The following FAM20C variants were observed in gnomAD, a reference collection of about 807,000 sequenced individuals.
The protein encoded by FAM20C is extracellular serine/threonine protein kinase FAM20C.
In FAM20C, 40 loss-of-function variants were observed where a neutral mutation model predicts 51.5. The observed-to-expected ratio is 0.78, with a 90% CI of 0.60 to 1.01. FAM20C has a LOEUF of 1.01. FAM20C is among the 50% of genes least tolerant of loss of function. The pLI, the probability that FAM20C is intolerant of heterozygous loss-of-function variation, is 0.00. For synonymous variants in FAM20C, 406 were observed against 380.6 expected (o/e 1.07, Z -0.78); for missense variants, 861 against 844.7 (o/e 1.02, Z -0.24).
At chr7:210,570 G>A (rs984560234) in intron 3 of FAM20C, among the ~76,000 whole-genome samples, 5 of 152,082 alleles carry the variant, frequency 3.3e-5, no homozygotes, top group Non-Finnish European at 7.4e-5. Context: ...CCGCGGGCAC[G>A]GCTGGGGGAG....
At chr7:229,022 AC>A (rs1787558050) in intron 3 of FAM20C, 1 of 279,554 alleles carries the variant, frequency 3.6e-6, no homozygotes, top group Non-Finnish European at 6.9e-6. Flanking sequence ...TGCCCCACCC[AC>A]GCACCCCACC....
intron 2 of FAM20C, among the ~76,000 whole-genome samples, chr7:201,061 G>A (rs1035360508): frequency 2.6e-5 from 4 of 152,200 alleles, no homozygotes; most frequent in African/African-American, 9.6e-5. Flanking sequence ...AGATGTGTGC[G>A]GTGGGAAGAA....
Position 208,908 on chromosome 7 carries a change from G to A in FAM20C, c.795G>A (p.Ser265=), listed in dbSNP as rs766106805. The A allele has an allele frequency of 3.9e-5, 62 of 1,575,514 alleles. 1 individual carries two copies. Among genetic ancestry groups the A allele is most frequent in the South Asian group, 3.5e-4 (30 of 85,554 alleles). ...CCCTCCTTCCTGCAGCCATGAAGTC[G>A]GGGGGCACGCAGCTGAAGCTCATCA... ...SQRITSVAMK[S]GGTQLKLIMT... The change falls in exon 3 of 10, where the codon TCG becomes TCA. Residue 265 remains serine, a synonymous_variant. Transcript: ENST00000313766.
Position 192,894 on chromosome 7 carries a change from C to A in FAM20C, c.-306C>A. The A allele has an allele frequency of 6.7e-6, 1 of 149,302 alleles. No homozygotes were observed. The highest frequency in any genetic ancestry group is 2.0e-4 in the South Asian group (1 of 4,980). 9.2% of individuals were successfully genotyped at this position (149,302 alleles called of 1,614,324 possible). ...CGGCGGCTGCGAGCGCCGAGCCTCCCCCTGCTGCGGCCCCAGCCGCCCCCC... is the reference window on the plus strand; with the variant it reads ...CGGCGGCTGCGAGCGCCGAGCCTCCACCTGCTGCGGCCCCAGCCGCCCCCC... On this transcript the variant is annotated 5_prime_UTR_variant, in exon 1 of 10. Coordinates refer to ENST00000313766, the MANE Select transcript of FAM20C (RefSeq NM_020223.4).
rs1393577746 is a variant in FAM20C, at chr7:259,744, A to T, written c.1519A>T (p.Thr507Ser). 6.5e-7 allele frequency: 1 copy of T among 1,535,324 alleles called. No individual in the cohort carries two copies. Among genetic ancestry groups the T allele is most frequent in the South Asian group, 1.2e-5 (1 of 83,890 alleles). The change falls in exon 10 of 10, where the codon ACC becomes TCC. Residue 507 changes from threonine to serine, a missense_variant. Around this residue, in one of 3 missense-constraint regions of FAM20C, gnomAD observed 269 missense variants for 283.8 expected, o/e 0.95. Transcript: ENST00000313766. The part of the protein sequence containing the change: ...LQQCCRIRKS[T>S]YLRLQLLAKE... ...TCTCCTCCCCAGGATCCGGAAGTCC[A>T]CCTACCTGCGTCTGCAGCTCCTGGC...
intron 3 of FAM20C, among the ~76,000 whole-genome samples, chr7:218,439 C>T (rs1197597962): frequency 2.0e-5 from 3 of 152,218 alleles, no homozygotes; most frequent in Non-Finnish European, 2.9e-5. Context: ...GCCCCTCTGA[C>T]GGGACTGCAC....
At chr7:219,525 C>T (rs1351045792) in intron 3 of FAM20C, among the ~76,000 whole-genome samples, 1 of 152,118 alleles carries the variant, frequency 6.6e-6, no homozygotes, top group Non-Finnish European at 1.5e-5. Flanking sequence ...GGCTTCGAAT[C>T]CGGTACCTGA....
intron 3 of FAM20C, among the ~76,000 whole-genome samples, chr7:237,097 G>A (rs1787872349): frequency 6.6e-6 from 1 of 152,224 alleles, no homozygotes; most frequent in Non-Finnish European, 1.5e-5. Flanking sequence ...GAGGATCCCA[G>A]AACAGGCTGC....
rs190795797 is a variant in FAM20C at position 230,323 on chromosome 7, T to C, written c.864-16092T>C. Reference sequence around the variant, plus strand: ...CCTCCCTAGAGTCTCCACGGGGAGCTCAGCCCTGCCCACAGCTCAGCCTTG... The same window carrying C: ...CCTCCCTAGAGTCTCCACGGGGAGCCCAGCCCTGCCCACAGCTCAGCCTTG... On this transcript the variant is annotated intron_variant, in intron 3 of 9. Coordinates refer to ENST00000313766, the MANE Select transcript of FAM20C (RefSeq NM_020223.4). 8.8e-3 allele frequency among the ~76,000 whole-genome samples: 1,119 copies of C among 126,754 alleles called. 12 individuals carry two copies. Among genetic ancestry groups the C allele is most frequent in the African/African-American group, 0.032 (1,072 of 33,570 alleles). The allele number at this position is 126,754 out of a possible 152,430, so 83.2% of individuals were successfully genotyped here. A position where few individuals can be genotyped will look rare whatever the true frequency, so the allele number is the denominator to read the frequency against.
intron 3 of FAM20C, among the ~76,000 whole-genome samples, chr7:241,692 A>AT (rs1787951626): frequency 1.3e-5 from 2 of 152,036 alleles, no homozygotes; most frequent in Non-Finnish European, 2.9e-5. Flanking sequence ...CTGTGCACAT[A>AT]TGTGTGTGCA....
chr7:211,770 C>T (rs1786726525), intron 3 of FAM20C, among the ~76,000 whole-genome samples: 2 of 152,176 alleles, frequency 1.3e-5, no homozygotes, highest in South Asian at 2.1e-4. Flanking sequence ...AACTGAGGCC[C>T]GGAAAGGGAA....
chr7:228,590 G>C (rs1341802621), intron 3 of FAM20C: 1 of 456,238 alleles, frequency 2.2e-6, no homozygotes, highest in South Asian at 1.5e-5. Context: ...TCCTCTGAGG[G>C]CAGCGTTTCC....
At chr7:226,761 A>C (rs1302875347) in intron 3 of FAM20C, among the ~76,000 whole-genome samples, 1 of 152,252 alleles carries the variant, frequency 6.6e-6, no homozygotes, top group Admixed American at 6.5e-5. Flanking sequence ...GGCTGGCCAC[A>C]GAAGGTAGCT....
chr7:194,798 C>T (rs79868451), intron 1 of FAM20C, among the ~76,000 whole-genome samples: 16,839 of 145,068 alleles, frequency 0.12, 1,163 homozygotes, highest in East Asian at 0.32. Flanking sequence ...CCGTGTCCAC[C>T]GCAGGACAGA....
Position 212,206 on chromosome 7 carries a change from T to C in FAM20C, c.863+3230T>C, listed in dbSNP as rs571230867. 1.7e-4 allele frequency among the ~76,000 whole-genome samples: 26 copies of C among 152,360 alleles called. No individual in the cohort carries two copies. In the South Asian group the frequency reaches 4.8e-3, roughly 28 times the overall value. On this transcript the variant is annotated intron_variant, in intron 3 of 9. Coordinates refer to ENST00000313766, the MANE Select transcript of FAM20C (RefSeq NM_020223.4). The stretch of plus-strand genomic sequence containing the variant: ...GGCCGGGCACACTGGCTCGCAGCTG[T>C]AATCCCAGCACTTCGGGAGGCCGAG...
At chr7:240,774 TG>T (rs1458835371) in intron 3 of FAM20C, among the ~76,000 whole-genome samples, 1 of 152,176 alleles carries the variant, frequency 6.6e-6, no homozygotes, top group African/African-American at 2.4e-5. Context: ...CCACCGATTG[TG>T]GCCCGGGCCA....
intron 8 of FAM20C, chr7:257,448 G>A (rs536658122): frequency 2.5e-4 from 55 of 222,012 alleles, no homozygotes; most frequent in South Asian, 7.3e-4. Context: ...GGGGATAGGC[G>A]GCCTCTGCGG....
chr7:205,841 C>G (rs1034607921), intron 2 of FAM20C, among the ~76,000 whole-genome samples: 3 of 152,122 alleles, frequency 2.0e-5, no homozygotes, highest in Non-Finnish European at 4.4e-5. Context: ...CCAGGCCCCC[C>G]ACGAAGCCCG....
At chr7:209,791 G>C (rs1786615606) in intron 3 of FAM20C, among the ~76,000 whole-genome samples, 1 of 152,242 alleles carries the variant, frequency 6.6e-6, no homozygotes, top group Non-Finnish European at 1.5e-5. Context: ...TTTAATCTTG[G>C]TGGTAACTAA....
Sources: gnomAD v4.1 joint callset for allele counts (sites outside exome capture counted in the v4.1 genomes callset) on GRCh38, gnomAD v4.1.1 for gene constraint, gnomAD v4.1.1 regional missense constraint, MANE v1.5 for transcripts, NCBI Gene and HGNC (gene_info 2026-07-23, HGNC 2026-07-21) for gene names.